The following CDH18 variants were observed in gnomAD, a reference collection of about 807,000 sequenced individuals.
CDH18 encodes the protein cadherin-18.
In CDH18, 31 loss-of-function variants were observed where a neutral mutation model predicts 67.9. The observed-to-expected ratio is 0.46, with a 90% CI of 0.34 to 0.62. The LOEUF (loss-of-function observed/expected upper bound fraction) is 0.62. Among genes scored for constraint, CDH18 ranks in the 20% least tolerant of loss-of-function variants. The probability of loss-of-function intolerance (pLI) is 0.01; values close to 1 mark genes in which losing one functional copy is unlikely to be tolerated. For missense variants in CDH18, 890 were observed against 975.5 expected (o/e 0.91, Z 1.17); for synonymous variants, 362 against 347.2 (o/e 1.04, Z -0.48).
chr5:20,200,423 C>A (rs1211032169), intron 2 of CDH18, among the ~76,000 whole-genome samples: 2 of 152,092 alleles, frequency 1.3e-5, no homozygotes, highest in South Asian at 2.1e-4. Context: ...CCTGTAATCC[C>A]AAGACTTTGG....
intron 1 of CDH18, among the ~76,000 whole-genome samples, chr5:20,490,652 G>A (rs537671205): frequency 2.5e-4 from 38 of 152,258 alleles, no homozygotes; most frequent in African/African-American, 8.9e-4. Flanking sequence ...GATAGAGGCT[G>A]CAATTCACTT....
intron 7 of CDH18, among the ~76,000 whole-genome samples, chr5:19,579,947 T>C (rs193280062): frequency 2.6e-5 from 4 of 152,006 alleles, no homozygotes; most frequent in African/African-American, 9.6e-5. Context: ...TACAGAATTT[T>C]ACATTGATCC....
chr5:19,699,755 G>A (rs1006406141), intron 5 of CDH18, among the ~76,000 whole-genome samples: 1 of 151,982 alleles, frequency 6.6e-6, no homozygotes, highest in Non-Finnish European at 1.5e-5. Flanking sequence ...CATCACAATA[G>A]TGCAATAATC....
chr5:20,437,761 C>T (rs951650738), intron 1 of CDH18, among the ~76,000 whole-genome samples: 5 of 151,076 alleles, frequency 3.3e-5, no homozygotes, highest in African/African-American at 1.2e-4. Flanking sequence ...TTTATTCATG[C>T]TCCATGAAAA....
intron 1 of CDH18, among the ~76,000 whole-genome samples, chr5:20,383,867 T>C (rs906828071): frequency 6.6e-6 from 1 of 152,022 alleles, no homozygotes; most frequent in African/African-American, 2.4e-5. Flanking sequence ...GAAAGGATAA[T>C]ATCATTATCA....
chr5:19,636,657 T>C (rs1753197504), intron 5 of CDH18, among the ~76,000 whole-genome samples: 1 of 151,860 alleles, frequency 6.6e-6, no homozygotes, highest in South Asian at 2.1e-4. Flanking sequence ...AAAATATTTA[T>C]ATAATTTTTT....
intron 1 of CDH18, among the ~76,000 whole-genome samples, chr5:20,458,605 G>T (rs932003224): frequency 5.3e-5 from 8 of 152,100 alleles, no homozygotes; most frequent in African/African-American, 1.7e-4. Flanking sequence ...GCAACAGAGC[G>T]AGACTTTGTC....
chr5:19,915,349 T>G (rs1579572018), intron 2 of CDH18, among the ~76,000 whole-genome samples: 2 of 152,144 alleles, frequency 1.3e-5, no homozygotes, highest in East Asian at 3.9e-4. Context: ...AGCTGACCCT[T>G]GGACAAGGTG....
chr5:19,522,860 A>G (rs868260318), intron 9 of CDH18, among the ~76,000 whole-genome samples: 1 of 146,522 alleles, frequency 6.8e-6, no homozygotes, highest in Admixed American at 7.1e-5. Context: ...ACGCCACTGC[A>G]CTGCAGCCTG....
At chr5:20,343,022 C>T (rs1317346136) in intron 1 of CDH18, among the ~76,000 whole-genome samples, 1 of 152,158 alleles carries the variant, frequency 6.6e-6, no homozygotes, top group Non-Finnish European at 1.5e-5. Flanking sequence ...AATTGCTTTT[C>T]TCTGTATGTC....
At chr5:19,623,123 A>G (rs546396153) in intron 5 of CDH18, among the ~76,000 whole-genome samples, 1 of 152,336 alleles carries the variant, frequency 6.6e-6, no homozygotes, top group East Asian at 1.9e-4. Context: ...AGAAACAAAC[A>G]TAACTCACAA....
chr5:19,684,711 G>T lies in CDH18; in HGVS notation c.643+36636C>A, dbSNP rs145640355. On this transcript the variant is annotated intron_variant, in intron 5 of 12. Transcript: ENST00000382275. ...GGAATTGGATATATTTTTACTCTGA[G>T]AAATAAAAAGTGAATGAAAGAGAGA... 3.1e-4 allele frequency among the ~76,000 whole-genome samples: 47 copies of T among 151,750 alleles called. 2 individuals are homozygous for T. The East Asian group carries it at 8.8e-3, about 28-fold the overall frequency.
intron 1 of CDH18, among the ~76,000 whole-genome samples, chr5:20,403,911 C>T (rs1335282763): frequency 6.6e-6 from 1 of 152,186 alleles, no homozygotes; most frequent in Admixed American, 6.5e-5. Flanking sequence ...CAATATAAGA[C>T]GGTTTCCCTA....
intron 2 of CDH18, among the ~76,000 whole-genome samples, chr5:19,969,371 G>A (rs1797800248): frequency 6.7e-6 from 1 of 149,040 alleles, no homozygotes. Context: ...TATAAATCAT[G>A]CTGCTATAAA....
At chr5:19,823,803 T>C (rs1442235918) in intron 3 of CDH18, among the ~76,000 whole-genome samples, 6 of 152,052 alleles carry the variant, frequency 3.9e-5, no homozygotes, top group Admixed American at 3.9e-4. Context: ...CAGAACACAC[T>C]CTAAGATCAA....
At chr5:19,608,023 G>C (rs776668695) in intron 6 of CDH18, among the ~76,000 whole-genome samples, 3 of 151,350 alleles carry the variant, frequency 2.0e-5, no homozygotes, top group African/African-American at 4.8e-5. Flanking sequence ...AAATTAAACA[G>C]AGGAAAAAAG....
At chr5:19,567,660 T>C (rs780767661) in intron 8 of CDH18, among the ~76,000 whole-genome samples, 3 of 152,208 alleles carry the variant, frequency 2.0e-5, no homozygotes, top group Non-Finnish European at 2.9e-5. Flanking sequence ...ATAAATATTA[T>C]GTAAATTATG....
At chr5:20,240,541 T>C (rs1255006359) in intron 2 of CDH18, among the ~76,000 whole-genome samples, 1 of 152,194 alleles carries the variant, frequency 6.6e-6, no homozygotes, top group Non-Finnish European at 1.5e-5. Context: ...CAATTCTGTT[T>C]TAAATGCATT....
intron 3 of CDH18, among the ~76,000 whole-genome samples, chr5:19,819,796 C>A (rs543316415): frequency 2.6e-5 from 4 of 152,236 alleles, no homozygotes; most frequent in African/African-American, 9.6e-5. Flanking sequence ...TGTGAATGGC[C>A]AGGTTGGGAG....
Sources: allele counts gnomAD v4.1 joint callset (sites outside exome capture counted in the v4.1 genomes callset), GRCh38; gene constraint gnomAD v4.1.1; transcripts MANE v1.5; gene names NCBI Gene and HGNC (gene_info 2026-07-23, HGNC 2026-07-21).